The following GPC6 variants were observed in gnomAD, a reference collection of about 807,000 sequenced individuals.
GPC6 encodes glypican 6.
GPC6 carries 14 observed loss-of-function variants against 55.2 expected under a neutral mutation model. The observed-to-expected ratio is 0.25, with a 90% CI of 0.17 to 0.40. The LOEUF (loss-of-function observed/expected upper bound fraction) is 0.40, where lower values mean the gene tolerates loss of function less well. GPC6 is among the 10% of genes least tolerant of loss of function. The pLI, the probability that GPC6 is intolerant of heterozygous loss-of-function variation, is 1.00. For synonymous variants in GPC6, 278 were observed against 259.6 expected (o/e 1.07, Z -0.68); for missense variants, 641 against 708.5 (o/e 0.90, Z 1.08).
chr13:93,457,624 C>T lies in GPC6; in HGVS notation c.161-87639C>T, dbSNP rs79328762. Among the ~76,000 whole-genome samples, 351 of 152,038 alleles carry T rather than the reference C, an allele frequency of 2.3e-3. 1 individual carries two copies. The highest frequency in any genetic ancestry group is 7.6e-3 in the African/African-American group (315 of 41,460). ...TCTCCCAAGTAAGGGAAGAAAGCTCCGAAAGGTTTAGGACCAGCAAAAAAA... is the reference window on the plus strand; with the variant it reads ...TCTCCCAAGTAAGGGAAGAAAGCTCTGAAAGGTTTAGGACCAGCAAAAAAA... On this transcript the variant is annotated intron_variant, in intron 1 of 8. Transcript: ENST00000377047.
intron 1 of GPC6, among the ~76,000 whole-genome samples, chr13:93,444,197 T>TC (rs10659976): frequency 2.3e-4 from 34 of 145,250 alleles, no homozygotes; most frequent in Non-Finnish European, 3.2e-4. Context: ...CAATTCTTCT[T>TC]TTTTTTTTTT....
At chr13:93,663,867 A>G (rs1423393110) in intron 2 of GPC6, among the ~76,000 whole-genome samples, 1 of 152,192 alleles carries the variant, frequency 6.6e-6, no homozygotes, top group Non-Finnish European at 1.5e-5. Flanking sequence ...GAAGTAGCTG[A>G]ACCAGTTAGG....
intron 2 of GPC6, among the ~76,000 whole-genome samples, chr13:93,571,885 A>G (rs1876423731): frequency 2.6e-5 from 4 of 152,180 alleles, no homozygotes; most frequent in African/African-American, 9.7e-5. Flanking sequence ...ACTTCAGAAT[A>G]TTATTGATTT....
rs181661650 is a variant in GPC6 at position 93,904,071 on chromosome 13, C to T, written c.711+73526C>T. On this transcript the variant is annotated intron_variant, in intron 3 of 8. Coordinates refer to ENST00000377047, the MANE Select transcript of GPC6 (RefSeq NM_005708.5). ...GAGAATATGGATGACAACAGGCTGC[C>T]CAAACAGCTGTTACAGGATGAGGTT... Among the ~76,000 whole-genome samples, 5 of 152,054 alleles carry T rather than the reference C, an allele frequency of 3.3e-5. No individual in the cohort carries two copies. In the East Asian group the frequency reaches 7.8e-4, roughly 24 times the overall value.
chr13:93,223,601 A>C (rs1875677123), upstream of GPC6, among the ~76,000 whole-genome samples: 1 of 151,422 alleles, frequency 6.6e-6, no homozygotes, highest in Non-Finnish European at 1.5e-5. Context: ...ATACCATCAC[A>C]CCAGCGAATT....
chr13:93,316,974 G>A (rs1456917040), intron 1 of GPC6, among the ~76,000 whole-genome samples: 1 of 152,080 alleles, frequency 6.6e-6, no homozygotes, highest in African/African-American at 2.4e-5. Context: ...AGCTATGTTA[G>A]CACTGTGAGC....
intron 4 of GPC6, among the ~76,000 whole-genome samples, chr13:94,269,166 C>T (rs1891911601): frequency 3.9e-5 from 6 of 152,188 alleles, no homozygotes; most frequent in Admixed American, 3.9e-4. Context: ...CCCTCAACAA[C>T]TGAGCCACAC....
At chr13:94,278,695 A>G (rs561698197) in intron 4 of GPC6, among the ~76,000 whole-genome samples, 40 of 152,254 alleles carry the variant, frequency 2.6e-4, no homozygotes, top group African/African-American at 9.4e-4. Flanking sequence ...TGAGATAGTC[A>G]TGTGGTTTTT....
intron 1 of GPC6, among the ~76,000 whole-genome samples, chr13:93,333,143 C>T (rs1879913129): frequency 6.6e-6 from 1 of 152,058 alleles, no homozygotes; most frequent in Admixed American, 6.6e-5. Context: ...GTGATGTCTC[C>T]AGATTCTTTT....
intron 3 of GPC6, among the ~76,000 whole-genome samples, chr13:93,980,674 G>A (rs991010357): frequency 6.6e-6 from 1 of 152,112 alleles, no homozygotes; most frequent in Non-Finnish European, 1.5e-5. Context: ...CCAGGAGGTG[G>A]GGGCATTCAG....
intron 3 of GPC6, among the ~76,000 whole-genome samples, chr13:93,895,234 G>GTGTGTATATATATATA (rs1196315147): frequency 3.7e-5 from 4 of 108,208 alleles, no homozygotes; most frequent in Non-Finnish European, 3.8e-5. Flanking sequence ...GTGTGTGTGT[G>GTGTGTATATATATATA]TATATATATA....
chr13:94,213,622 C>A (rs1191507950), intron 4 of GPC6, among the ~76,000 whole-genome samples: 1 of 152,130 alleles, frequency 6.6e-6, no homozygotes, highest in East Asian at 1.9e-4. Context: ...TGGGACTTGC[C>A]TCGGTTCCAT....
chr13:94,341,928 C>G lies in GPC6; in HGVS notation c.1152+35805C>G, dbSNP rs1192387873. On this transcript the variant is annotated intron_variant, in intron 6 of 8. Transcript: ENST00000377047. Reference sequence around the variant, plus strand: ...ATAAGTTATGTAATGTAGGAAATATCTGGGAATTAGTAATAAGACACTGAT... The same window carrying G: ...ATAAGTTATGTAATGTAGGAAATATGTGGGAATTAGTAATAAGACACTGAT... Among the ~76,000 whole-genome samples, 4 of 152,266 alleles carry G rather than the reference C, an allele frequency of 2.6e-5. No homozygotes were observed. In the South Asian group the frequency reaches 8.3e-4, roughly 32 times the overall value.
At chr13:94,387,509 A>G (rs1880460053) in intron 7 of GPC6, among the ~76,000 whole-genome samples, 1 of 152,178 alleles carries the variant, frequency 6.6e-6, no homozygotes, top group South Asian at 2.1e-4. Context: ...TGCTTCTCAA[A>G]CTTTAGGGTG....
intron 2 of GPC6, among the ~76,000 whole-genome samples, chr13:93,547,046 G>A (rs999933761): frequency 2.9e-4 from 44 of 151,950 alleles, no homozygotes; most frequent in African/African-American, 9.9e-4. Flanking sequence ...CCAAGACTGA[G>A]CCGGCCAGGC....
chr13:94,170,161 T>C (rs772102891), intron 4 of GPC6, among the ~76,000 whole-genome samples: 3 of 152,148 alleles, frequency 2.0e-5, no homozygotes, highest in Non-Finnish European at 2.9e-5. Flanking sequence ...GACAGGCACG[T>C]GATCCTCAAC....
intron 4 of GPC6, among the ~76,000 whole-genome samples, chr13:94,182,446 G>T (rs1313786141): frequency 6.6e-6 from 1 of 152,130 alleles, no homozygotes; most frequent in African/African-American, 2.4e-5. Flanking sequence ...CTGAACTTTT[G>T]TGCTTCTGTA....
At chr13:93,310,124 A>C (rs1013568847) in intron 1 of GPC6, among the ~76,000 whole-genome samples, 4 of 152,244 alleles carry the variant, frequency 2.6e-5, no homozygotes, top group Non-Finnish European at 5.9e-5. Flanking sequence ...GTACATGTCC[A>C]AATCTCCCAT....
At chr13:93,578,019 T>G (rs1034337290) in intron 2 of GPC6, among the ~76,000 whole-genome samples, 3 of 152,190 alleles carry the variant, frequency 2.0e-5, no homozygotes, top group Admixed American at 6.6e-5. Flanking sequence ...TTCATTGATT[T>G]GCAAATGTTG....
Sources: allele counts gnomAD v4.1 joint callset (sites outside exome capture counted in the v4.1 genomes callset), GRCh38; gene constraint gnomAD v4.1.1; transcripts MANE v1.5; gene names NCBI Gene and HGNC (gene_info 2026-07-23, HGNC 2026-07-21).